SYT1: variants seen among roughly 807,000 people sequenced by gnomAD.
SYT1 encodes the protein synaptotagmin-1.
Under a neutral mutation model 44.8 loss-of-function variants are expected in SYT1, and 8 were observed. The ratio of observed to expected loss-of-function variants is 0.18; its 90% CI spans 0.10 to 0.32. The LOEUF (loss-of-function observed/expected upper bound fraction) is 0.32, where lower values mean the gene tolerates loss of function less well. Among genes scored for constraint, SYT1 ranks in the 10% least tolerant of loss-of-function variants. The pLI, the probability that SYT1 is intolerant of heterozygous loss-of-function variation, is 1.00. For missense variants in SYT1, 286 were observed against 509.3 expected, an observed-to-expected ratio of 0.56 and a Z score of 4.22; for synonymous variants, 154 against 188.8, an observed-to-expected ratio of 0.82 and a Z score of 1.51.
At chr12:79,159,528 A>G (rs1870816893) in intron 3 of SYT1, among the ~76,000 whole-genome samples, 1 of 152,168 alleles carries the variant, frequency 6.6e-6, no homozygotes, top group Non-Finnish European at 1.5e-5. Context: ...GTATATTATT[A>G]TAATTGTTCT....
intron 3 of SYT1, among the ~76,000 whole-genome samples, chr12:79,204,957 A>G (rs911310931): frequency 3.0e-5 from 1 of 32,920 alleles, no homozygotes; most frequent in African/African-American, 1.6e-4. Flanking sequence ...CTCCTGTTGT[A>G]ACTTTTTTTT....
At chr12:78,994,985 T>C (rs1211784175) in intron 2 of SYT1, among the ~76,000 whole-genome samples, 1 of 152,124 alleles carries the variant, frequency 6.6e-6, no homozygotes, top group Non-Finnish European at 1.5e-5. Context: ...GTCTATATGC[T>C]GAGTAACAGT....
rs185624256 is a variant in SYT1 at position 79,070,693 on chromosome 12, C to T, written c.-18+23331C>T. 6.6e-5 allele frequency among the ~76,000 whole-genome samples: 10 copies of T among 151,950 alleles called. No individual in the cohort carries two copies. In the South Asian group the frequency reaches 1.9e-3, roughly 28 times the overall value. ...CACTGGGTACACTTGAACATAAACA[C>T]GGGAACAACAGATACTGGGGATTAC... On this transcript the variant is annotated intron_variant, in intron 3 of 10. Coordinates refer to ENST00000261205, the MANE Select transcript of SYT1 (RefSeq NM_005639.3).
At chr12:79,448,879 G>T in intron 10 of SYT1, 39 bp from the exon 11 acceptor site, 1 of 1,597,966 alleles carries the variant, frequency 6.3e-7, no homozygotes, top group South Asian at 1.1e-5. Flanking sequence ...CTTATCTCTA[G>T]AGCTAGATGA....
intron 8 of SYT1, among the ~76,000 whole-genome samples, chr12:79,349,043 A>AAGAAAGAAAGAAAGAAAG: frequency 7.1e-6 from 1 of 140,484 alleles, no homozygotes; most frequent in Admixed American, 7.1e-5. Flanking sequence ...AAAAGAAAGA[A>AAGAAAGAAAGAAAGAAAG]AGAAAGAAAG....
At position 79,111,247 on chromosome 12, in the gene SYT1, A is replaced by G. The variant is rs376402750; in HGVS notation, c.-18+63885A>G. Among the ~76,000 whole-genome samples, 41 of 152,162 alleles carry G rather than the reference A, an allele frequency of 2.7e-4. No individual in the cohort carries two copies. In the South Asian group the frequency reaches 8.1e-3, roughly 30 times the overall value. On this transcript the variant is annotated intron_variant, in intron 3 of 10. Transcript: ENST00000261205. ...GAAAATCCCTAGGGGAATATATTAG[A>G]ATTAAAAAGGAGCATTTTAATACTA...
At chr12:79,322,002 T>A (rs776279792) in intron 8 of SYT1, among the ~76,000 whole-genome samples, 6 of 152,138 alleles carry the variant, frequency 3.9e-5, no homozygotes, top group Non-Finnish European at 8.8e-5. Context: ...GGGAGTGCAG[T>A]TGATTGTTCC....
In SYT1 at chr12:79,178,975, G is replaced by A. The variant is rs868415192; in HGVS notation, c.-17-38528G>A. Reference sequence around the variant, plus strand: ...ATATAGATATAGATATAGATATATAGATATAGATATATCTATATAGATATA... The same window carrying A: ...ATATAGATATAGATATAGATATATAAATATAGATATATCTATATAGATATA... On this transcript the variant is annotated intron_variant, in intron 3 of 10. Transcript: ENST00000261205. 5.6e-5 allele frequency among the ~76,000 whole-genome samples: 5 copies of A among 89,018 alleles called. 2 individuals are homozygous for A. Among genetic ancestry groups the A allele is most frequent in the Admixed American group, 3.9e-4 (3 of 7,620 alleles). 58.4% of individuals were successfully genotyped at this position (89,018 alleles called of 152,430 possible). A position where few individuals can be genotyped will look rare whatever the true frequency, so the allele number is the denominator to read the frequency against.
At chr12:79,192,187 A>G (rs1292004986) in intron 3 of SYT1, among the ~76,000 whole-genome samples, 1 of 152,190 alleles carries the variant, frequency 6.6e-6, no homozygotes, top group South Asian at 2.1e-4. Context: ...TAGGAGTGAG[A>G]AGGAACAGGA....
chr12:79,428,902 A>C (rs1198988558), intron 9 of SYT1, among the ~76,000 whole-genome samples: 1 of 152,184 alleles, frequency 6.6e-6, no homozygotes, highest in East Asian at 1.9e-4. Flanking sequence ...TGAGGACCTC[A>C]GGAAGCTTCC....
chr12:78,903,578 C>T (rs1808895512), intron 1 of SYT1, among the ~76,000 whole-genome samples: 2 of 151,984 alleles, frequency 1.3e-5, no homozygotes, highest in Non-Finnish European at 2.9e-5. Flanking sequence ...ACCCACCGCA[C>T]CTGGATAAAA....
At chr12:78,891,571 A>G (rs573448879) in intron 1 of SYT1, among the ~76,000 whole-genome samples, 1 of 152,044 alleles carries the variant, frequency 6.6e-6, no homozygotes, top group South Asian at 2.1e-4. Flanking sequence ...ACTGAATTTT[A>G]AAGTCTCCAC....
At chr12:78,932,803 G>A (rs762130063) in intron 1 of SYT1, among the ~76,000 whole-genome samples, 4 of 151,984 alleles carry the variant, frequency 2.6e-5, no homozygotes, top group Non-Finnish European at 5.9e-5. Context: ...TTATTCACTT[G>A]GATAAGAGGG....
chr12:78,913,421 ATACTT>A (rs1172036743), intron 1 of SYT1, among the ~76,000 whole-genome samples: 2 of 151,566 alleles, frequency 1.3e-5, no homozygotes, highest in African/African-American at 2.4e-5. Context: ...GAAATATTAA[ATACTT>A]TATTATAGTT....
At chr12:79,017,294 T>C (rs895919852) in intron 2 of SYT1, among the ~76,000 whole-genome samples, 1 of 152,166 alleles carries the variant, frequency 6.6e-6, no homozygotes, top group African/African-American at 2.4e-5. Context: ...AGCATTATGC[T>C]AAGTGTTAAG....
At chr12:79,227,220 T>C (rs1340340185) in intron 4 of SYT1, among the ~76,000 whole-genome samples, 2 of 152,008 alleles carry the variant, frequency 1.3e-5, no homozygotes, top group African/African-American at 4.8e-5. Context: ...TTTTTTAAAT[T>C]AAGGCTTAAA....
At chr12:79,003,192 A>AC (rs1448829072) in intron 2 of SYT1, among the ~76,000 whole-genome samples, 3 of 152,018 alleles carry the variant, frequency 2.0e-5, no homozygotes, top group Non-Finnish European at 4.4e-5. Flanking sequence ...CCCCTTAAAA[A>AC]TTGTAGTGCC....
intron 3 of SYT1, among the ~76,000 whole-genome samples, chr12:79,054,449 A>T (rs12315100): frequency 2.6e-5 from 4 of 151,874 alleles, no homozygotes; most frequent in African/African-American, 9.7e-5. Context: ...GATTATAGCC[A>T]TAAGTATAAA....
At chr12:79,293,972 T>A (rs151294367) in intron 6 of SYT1, among the ~76,000 whole-genome samples, 4 of 152,254 alleles carry the variant, frequency 2.6e-5, no homozygotes, top group Non-Finnish European at 5.9e-5. Flanking sequence ...CTTATTTATA[T>A]ATTCTAGGAA....
Sources: allele counts gnomAD v4.1 joint callset (sites outside exome capture counted in the v4.1 genomes callset), GRCh38; gene constraint gnomAD v4.1.1; transcripts MANE v1.5; gene names NCBI Gene and HGNC (gene_info 2026-07-23, HGNC 2026-07-21).